IMMP2L: variants seen among roughly 807,000 people sequenced by gnomAD.
IMMP2L encodes the protein mitochondrial inner membrane protease subunit 2.
Under a neutral mutation model 19.3 loss-of-function variants are expected in IMMP2L, and 18 were observed. The observed-to-expected ratio is 0.93, with a 90% confidence interval of 0.64 to 1.38. IMMP2L has a LOEUF of 1.38. Ranked by LOEUF, IMMP2L falls within the 40% of genes most tolerant of loss-of-function variation. IMMP2L has a pLI of 0.00. For synonymous variants in IMMP2L, 76 were observed against 73.0 expected, an observed-to-expected ratio of 1.04 and a Z score of -0.21; for missense variants, 233 against 218.2, an observed-to-expected ratio of 1.07 and a Z score of -0.43.
intron 5 of IMMP2L, among the ~76,000 whole-genome samples, chr7:110,764,075 T>C (rs528399135): frequency 1.3e-5 from 2 of 152,276 alleles, no homozygotes; most frequent in African/African-American, 4.8e-5. Context: ...GATACATCCT[T>C]GTTTCCATTT....
intron 3 of IMMP2L, among the ~76,000 whole-genome samples, chr7:111,010,244 A>G (rs1323553665): frequency 6.6e-6 from 1 of 152,138 alleles, no homozygotes; most frequent in Non-Finnish European, 1.5e-5. Context: ...CTTGCTATTT[A>G]AAATATAAAT....
rs190757580 is a variant in IMMP2L, at chr7:111,290,592, T to G, written c.239+196646A>C. 1.1e-4 allele frequency among the ~76,000 whole-genome samples: 16 copies of G among 152,084 alleles called. No homozygotes were observed. In the East Asian group the frequency reaches 2.9e-3, roughly 28 times the overall value. The stretch of plus-strand genomic sequence containing the variant: ...CTTGTAGAAGTAGTGTGTGCCAAGC[T>G]GCCAGTTCCTATTTCTGTCAAGCAA... On this transcript the variant is annotated intron_variant, in intron 3 of 5. Coordinates refer to ENST00000405709, the MANE Select transcript of IMMP2L (RefSeq NM_032549.4).
intron 3 of IMMP2L, among the ~76,000 whole-genome samples, chr7:111,183,599 A>T (rs1234330180): frequency 6.6e-6 from 1 of 152,124 alleles, no homozygotes; most frequent in Non-Finnish European, 1.5e-5. Flanking sequence ...TAACTGGGAC[A>T]AGGAGAAGCT....
chr7:111,356,530 C>A (rs1275622607), intron 3 of IMMP2L, among the ~76,000 whole-genome samples: 2 of 152,076 alleles, frequency 1.3e-5, no homozygotes, highest in African/African-American at 4.8e-5. Flanking sequence ...CAGTCCCTCA[C>A]AGATACAGAG....
chr7:111,299,329 CA>C (rs1269217144), intron 3 of IMMP2L, among the ~76,000 whole-genome samples: 1 of 152,032 alleles, frequency 6.6e-6, no homozygotes, highest in Non-Finnish European at 1.5e-5. Flanking sequence ...GCCAGAATAC[CA>C]AACAGTGGTG....
intron 3 of IMMP2L, among the ~76,000 whole-genome samples, chr7:111,132,125 A>C (rs1020776642): frequency 1.3e-5 from 2 of 151,966 alleles, no homozygotes; most frequent in Non-Finnish European, 2.9e-5. Context: ...GTCAAATTGC[A>C]GTTACTACTT....
At chr7:111,101,757 G>A (rs556735859) in intron 3 of IMMP2L, among the ~76,000 whole-genome samples, 2 of 151,450 alleles carry the variant, frequency 1.3e-5, no homozygotes, top group African/African-American at 4.8e-5. Flanking sequence ...GGACCTGACT[G>A]GGACATTCAA....
At chr7:110,918,456 T>C (rs993223163) in intron 4 of IMMP2L, among the ~76,000 whole-genome samples, 60 of 150,064 alleles carry the variant, frequency 4.0e-4, no homozygotes, top group Non-Finnish European at 2.2e-4. Context: ...TTTTTTCTTT[T>C]TTTTTTTTTT....
chr7:110,935,977 G>A (rs540324760), intron 4 of IMMP2L, among the ~76,000 whole-genome samples: 1 of 152,104 alleles, frequency 6.6e-6, no homozygotes, highest in Non-Finnish European at 1.5e-5. Context: ...AAATGGTGAT[G>A]GGCAAACTGG....
At chr7:111,326,718 A>G (rs1019947327) in intron 3 of IMMP2L, among the ~76,000 whole-genome samples, 2 of 151,848 alleles carry the variant, frequency 1.3e-5, no homozygotes, top group Non-Finnish European at 2.9e-5. Flanking sequence ...GGAACACTGG[A>G]AAAACTGGAA....
chr7:110,898,528 T>C lies in IMMP2L; in HGVS notation c.306-11833A>G, dbSNP rs373093394. ...TAAGTAATATACTAAAATGTCTTCA[T>C]ACTTAGAAGTCTAAAAAGTTTGCTA... On this transcript the variant is annotated intron_variant, in intron 4 of 5. Transcript: ENST00000405709. Among the ~76,000 whole-genome samples, 242 of 152,310 alleles carry C rather than the reference T, an allele frequency of 1.6e-3. 2 individuals are homozygous for C. Among genetic ancestry groups the C allele is most frequent in the African/African-American group, 5.4e-3 (223 of 41,572 alleles).
chr7:111,079,637 AT>A (rs1439034623), intron 3 of IMMP2L, among the ~76,000 whole-genome samples: 2 of 152,226 alleles, frequency 1.3e-5, no homozygotes, highest in East Asian at 3.8e-4. Flanking sequence ...ACATTTTTAA[AT>A]TAGTAAATGA....
chr7:111,257,636 C>A (rs1816854169), intron 3 of IMMP2L, among the ~76,000 whole-genome samples: 1 of 152,032 alleles, frequency 6.6e-6, no homozygotes, highest in Non-Finnish European at 1.5e-5. Flanking sequence ...AGATTTTGCA[C>A]CTTTCTTTGC....
At chr7:110,797,846 A>G (rs1223167040) in intron 5 of IMMP2L, among the ~76,000 whole-genome samples, 1 of 152,072 alleles carries the variant, frequency 6.6e-6, no homozygotes, top group South Asian at 2.1e-4. Context: ...ACAGTATAAA[A>G]TAAGTGTCAT....
chr7:111,195,802 T>C (rs1251787681), intron 3 of IMMP2L, among the ~76,000 whole-genome samples: 1 of 84 alleles, frequency 0.012, no homozygotes, highest in Non-Finnish European at 0.033. Context: ...GTAATCAAAT[T>C]TAATTTTTAT....
chr7:111,076,015 G>A (rs1795376329), intron 3 of IMMP2L, among the ~76,000 whole-genome samples: 1 of 152,070 alleles, frequency 6.6e-6, no homozygotes, highest in South Asian at 2.1e-4. Flanking sequence ...TTAAAATTTG[G>A]TCTAGTCTAA....
At chr7:111,017,951 A>C (rs977859681) in intron 3 of IMMP2L, among the ~76,000 whole-genome samples, 5 of 152,228 alleles carry the variant, frequency 3.3e-5, no homozygotes, top group African/African-American at 1.2e-4. Context: ...AACCTACTTA[A>C]CAACACTTTT....
intron 3 of IMMP2L, among the ~76,000 whole-genome samples, chr7:111,411,014 C>T (rs1263629671): frequency 6.8e-6 from 1 of 147,002 alleles, no homozygotes; most frequent in Non-Finnish European, 1.5e-5. Context: ...TAAACAATAT[C>T]AGCCTACAAA....
chr7:110,935,975 A>C (rs917045800), intron 4 of IMMP2L, among the ~76,000 whole-genome samples: 1 of 152,128 alleles, frequency 6.6e-6, no homozygotes, highest in Admixed American at 6.6e-5. Context: ...ATAAATGGTG[A>C]TGGGCAAACT....
Sources: allele counts gnomAD v4.1 joint callset (sites outside exome capture counted in the v4.1 genomes callset), GRCh38; gene constraint gnomAD v4.1.1; transcripts MANE v1.5; gene names NCBI Gene and HGNC (gene_info 2026-07-23, HGNC 2026-07-21).